Variants in SYT16 observed in about 807,000 individuals in gnomAD.
The protein encoded by SYT16 is synaptotagmin-16.
A neutral mutation model predicts 61.4 loss-of-function variants in SYT16; 42 were observed. The ratio of observed to expected loss-of-function variants is 0.68; its 90% CI spans 0.53 to 0.89. The LOEUF (loss-of-function observed/expected upper bound fraction) is 0.89. Ranked by LOEUF, SYT16 falls within the 40% of genes least tolerant of loss-of-function variation. The probability of loss-of-function intolerance (pLI) is 0.00; values close to 1 mark genes in which losing one functional copy is unlikely to be tolerated. For missense variants in SYT16, 804 were observed against 807.3 expected (o/e 1.00, Z 0.05); for synonymous variants, 314 against 302.3 (o/e 1.04, Z -0.40).
At chr14:61,898,423 C>A (rs2048400924) in intron 1 of SYT16, among the ~76,000 whole-genome samples, 1 of 152,120 alleles carries the variant, frequency 6.6e-6, no homozygotes, top group African/African-American at 2.4e-5. Context: ...AGTATAACCC[C>A]CTCCACCCCA....
At chr14:62,088,872 G>A (rs1032005318) in intron 7 of SYT16, among the ~76,000 whole-genome samples, 27 of 151,836 alleles carry the variant, frequency 1.8e-4, no homozygotes, top group Admixed American at 1.0e-3. Context: ...AATCTAGTGT[G>A]GTATGAAGTA....
At chr14:61,956,996 T>G (rs933115049) in intron 1 of SYT16, among the ~76,000 whole-genome samples, 5 of 151,958 alleles carry the variant, frequency 3.3e-5, no homozygotes, top group African/African-American at 1.2e-4. Flanking sequence ...CATCAATGTT[T>G]TGTAGTTTTC....
At chr14:62,096,725 A>G (rs2057287161) in intron 7 of SYT16, among the ~76,000 whole-genome samples, 1 of 152,172 alleles carries the variant, frequency 6.6e-6, no homozygotes, top group Admixed American at 6.5e-5. Context: ...TCCAAATCCA[A>G]CATAGTAATT....
At chr14:62,004,755 G>C (rs762327611) in intron 3 of SYT16, among the ~76,000 whole-genome samples, 23 of 152,324 alleles carry the variant, frequency 1.5e-4, no homozygotes, top group Non-Finnish European at 3.2e-4. Context: ...CAGAAGACGA[G>C]GTTCCCCTCT....
chr14:61,914,824 G>C (rs2049059167), intron 1 of SYT16, among the ~76,000 whole-genome samples: 1 of 152,142 alleles, frequency 6.6e-6, no homozygotes, highest in South Asian at 2.1e-4. Context: ...CTTTTAGCCT[G>C]TTCTCCAGAC....
At chr14:61,945,013 T>C (rs1594975287) in intron 1 of SYT16, among the ~76,000 whole-genome samples, 1 of 152,134 alleles carries the variant, frequency 6.6e-6, no homozygotes, top group South Asian at 2.1e-4. Flanking sequence ...ATATCCAGAA[T>C]GTACAAGGAA....
intron 1 of SYT16, among the ~76,000 whole-genome samples, chr14:61,885,966 T>C (rs1471546732): frequency 1.4e-5 from 2 of 146,466 alleles, no homozygotes; most frequent in East Asian, 3.9e-4. Flanking sequence ...CTGTGGCAAT[T>C]TTTTTTTTTT....
rs752880496 is a variant in SYT16 at position 61,909,393 on chromosome 14, A to C, written c.-324-60739A>C. Among the ~76,000 whole-genome samples, 12 of 152,296 alleles carry C rather than the reference A, an allele frequency of 7.9e-5. No homozygotes were observed. The South Asian group carries it at 1.9e-3, about 24-fold the overall frequency. On this transcript the variant is annotated intron_variant, in intron 1 of 7. Transcript: ENST00000683842. ...CTGAAATCAGGGTGTTGGCAGGGCC[A>C]TGCTCCCTCTGAAGGTGCCAGGGAG...
intron 1 of SYT16, among the ~76,000 whole-genome samples, chr14:61,887,787 G>A (rs939216835): frequency 6.6e-6 from 1 of 152,146 alleles, no homozygotes. Flanking sequence ...ATTAGGCTTT[G>A]GCTTGAGCAA....
intron 1 of SYT16, among the ~76,000 whole-genome samples, chr14:61,903,718 T>G (rs1315393951): frequency 6.6e-6 from 1 of 152,218 alleles, no homozygotes; most frequent in Non-Finnish European, 1.5e-5. Flanking sequence ...AGGAAGTAGA[T>G]TATAGGTAGT....
intron 1 of SYT16, among the ~76,000 whole-genome samples, chr14:61,820,175 C>A (rs1001658795): frequency 2.6e-5 from 4 of 152,216 alleles, no homozygotes; most frequent in Non-Finnish European, 1.5e-5. Context: ...AAGTAATAAT[C>A]ATGTTTTCTT....
chr14:62,035,325 G>A (rs1403276250), intron 3 of SYT16, among the ~76,000 whole-genome samples: 1 of 152,116 alleles, frequency 6.6e-6, no homozygotes, highest in Non-Finnish European at 1.5e-5. Flanking sequence ...TTCTATTTGT[G>A]CTGTGTACTG....
intron 1 of SYT16, among the ~76,000 whole-genome samples, chr14:61,896,737 C>A (rs1017063099): frequency 2.6e-5 from 4 of 152,144 alleles, no homozygotes; most frequent in Admixed American, 1.3e-4. Flanking sequence ...ATAGTGTTTT[C>A]ACTTATATAT....
chr14:61,823,574 CAAA>C (rs55935256), intron 1 of SYT16, among the ~76,000 whole-genome samples: 25 of 71,030 alleles, frequency 3.5e-4, no homozygotes, highest in South Asian at 2.8e-3. Context: ...ACTAAAAATA[CAAA>C]AAAAAAAAAA....
At chr14:61,865,392 T>C in intron 1 of SYT16, 1 of 620,288 alleles carries the variant, frequency 1.6e-6, no homozygotes, top group African/African-American at 1.8e-5. Flanking sequence ...TCCTCATTTA[T>C]GTGATTTACA....
At chr14:62,077,090 A>T (rs539638052) in intron 5 of SYT16, among the ~76,000 whole-genome samples, 2 of 152,268 alleles carry the variant, frequency 1.3e-5, no homozygotes, top group South Asian at 2.1e-4. Flanking sequence ...CTTTTAAGAA[A>T]TGATTTATTT....
intron 5 of SYT16, among the ~76,000 whole-genome samples, chr14:62,078,066 C>T (rs2056559829): frequency 1.3e-5 from 2 of 151,588 alleles, no homozygotes; most frequent in African/African-American, 4.9e-5. Context: ...GTGATTCCAA[C>T]CCCCACCTTC....
intron 1 of SYT16, among the ~76,000 whole-genome samples, chr14:61,929,937 A>T (rs1176929289): frequency 6.6e-6 from 1 of 152,186 alleles, no homozygotes; most frequent in East Asian, 1.9e-4. Context: ...AGGCAGTTAC[A>T]TGGTGTGCTT....
chr14:62,095,758 T>A (rs1186688332), intron 7 of SYT16, among the ~76,000 whole-genome samples: 1 of 152,030 alleles, frequency 6.6e-6, no homozygotes, highest in African/African-American at 2.4e-5. Context: ...TTTGTTTTTT[T>A]ATCTTGTTTT....
Sources: allele counts gnomAD v4.1 joint callset (sites outside exome capture counted in the v4.1 genomes callset), GRCh38; gene constraint gnomAD v4.1.1; transcripts MANE v1.5; gene names NCBI Gene and HGNC (gene_info 2026-07-23, HGNC 2026-07-21).